The following CA12 variants were observed in gnomAD, a reference collection of about 807,000 sequenced individuals.
CA12 encodes the protein carbonic anhydrase 12.
CA12 carries 36 observed loss-of-function variants against 46.8 expected under a neutral mutation model. That is an observed-to-expected ratio of 0.77 (90% CI 0.59 to 1.02). The LOEUF is 1.02. Among genes scored for constraint, CA12 ranks in the 50% least tolerant of loss-of-function variants. The pLI is 0.00. For synonymous variants in CA12, 202 were observed against 187.0 expected (o/e 1.08, Z -0.65); for missense variants, 436 against 451.4 (o/e 0.97, Z 0.31).
chr15:63,334,913 T>C (rs1277075046), intron 8 of CA12, among the ~76,000 whole-genome samples: 1 of 152,228 alleles, frequency 6.6e-6, no homozygotes, highest in Non-Finnish European at 1.5e-5. Flanking sequence ...ACTTCAGCCT[T>C]ACTGTTTCAG....
intron 2 of CA12, among the ~76,000 whole-genome samples, chr15:63,349,297 A>G (rs11071741): frequency 0.97 from 147,949 of 152,312 alleles, 71,864 homozygotes; most frequent in Admixed American, 0.99. Context: ...ATGAGTCAGA[A>G]AGGTTGCTCA....
Position 63,336,343 on chromosome 15 carries a change from A to G in CA12, c.874+2476T>C, listed in dbSNP as rs557023974. ...CTAAGAAGATGGCTAATTATCCCCA[A>G]TGCCATAGTCCATCGTTACAAGCGG... is the stretch of plus-strand genomic sequence containing the variant. On this transcript the variant is annotated intron_variant, in intron 8 of 10. Transcript: ENST00000178638. 5.3e-5 allele frequency among the ~76,000 whole-genome samples: 8 copies of G among 152,216 alleles called. No homozygotes were observed. The East Asian group carries it at 1.4e-3, about 26-fold the overall frequency.
rs910365343 is a variant in CA12, at chr15:63,325,046, C to T, written c.*1239G>A. 3.9e-5 allele frequency: 6 copies of T among 152,070 alleles called. No homozygotes were observed. Among genetic ancestry groups the T allele is most frequent in the East Asian group, 1.9e-4 (1 of 5,200 alleles). The allele number at this position is 152,070 out of a possible 1,614,324, so 9.4% of individuals were successfully genotyped here. A position where few individuals can be genotyped will look rare whatever the true frequency, so the allele number is the denominator to read the frequency against. ...CCTGTCAGAAACTGTCTGTGTGATT[C>T]GGGGAAGAATATGGAGTATCTTAGT... On this transcript the variant is annotated 3_prime_UTR_variant, in exon 11 of 11. Transcript: ENST00000178638. This position sits in a 1 kb window ranked among gnomAD's most constrained non-coding sequence, Gnocchi z 4.9.
At position 63,345,763 on chromosome 15, in the gene CA12, C is replaced by A; in HGVS notation, c.287-144G>T. 9.2e-7 allele frequency: 1 copy of A among 1,088,130 alleles called. No individual in the cohort carries two copies. The highest frequency in any genetic ancestry group is 1.3e-6 in the Non-Finnish European group (1 of 742,210). 67.4% of individuals were successfully genotyped at this position (1,088,130 alleles called of 1,614,324 possible). On this transcript the variant is annotated intron_variant, in intron 3 of 10. Coordinates refer to ENST00000178638, the MANE Select transcript of CA12 (RefSeq NM_001218.5). The surrounding 1 kb of genome is among the most constrained non-coding windows in gnomAD (Gnocchi z 4.3). ...CAGGTGGATGGAGTGAGGTGCGGAG[C>A]AGAGATGCAGCCTAAAGGTCAGACA...
At chr15:63,363,071 G>A (rs2039385980) in intron 2 of CA12, among the ~76,000 whole-genome samples, 1 of 152,222 alleles carries the variant, frequency 6.6e-6, no homozygotes, top group Non-Finnish European at 1.5e-5. Flanking sequence ...TAAGAGCCAT[G>A]TCTAGACAAG....
Position 63,326,104 on chromosome 15 carries a change from G to A in CA12, c.*181C>T, listed in dbSNP as rs928792278. 18 of 625,278 alleles carry A rather than the reference G, an allele frequency of 2.9e-5. No individual in the cohort carries two copies. The East Asian group carries it at 5.1e-4, about 18-fold the overall frequency. 38.7% of individuals were successfully genotyped at this position (625,278 alleles called of 1,614,324 possible). ...AGTGCATCCCATCCATCGATCGGATGGCTCTGGGGTGGCCATGGTCCCAAG... is the reference window on the plus strand; with the variant it reads ...AGTGCATCCCATCCATCGATCGGATAGCTCTGGGGTGGCCATGGTCCCAAG... On this transcript the variant is annotated 3_prime_UTR_variant, in exon 11 of 11. Transcript: ENST00000178638.
rs778650635 is a variant in CA12 at position 63,381,597 on chromosome 15, G to C, written c.85+39C>G. 5.1e-6 allele frequency: 8 copies of C among 1,555,454 alleles called. No individual in the cohort carries two copies. In the Admixed American group the frequency reaches 8.7e-5, roughly 17 times the overall value. ...GCCTTCAGCCCAGGGGCGGCTGAGCGCTCAGGAGTGTTAGGAAAGAAGCAG... is the reference window on the plus strand; with the variant it reads ...GCCTTCAGCCCAGGGGCGGCTGAGCCCTCAGGAGTGTTAGGAAAGAAGCAG... On this transcript the variant is annotated intron_variant, in intron 1 of 10. Transcript: ENST00000178638.
intron 2 of CA12, among the ~76,000 whole-genome samples, chr15:63,354,026 C>G (rs370635926): frequency 6.6e-6 from 1 of 152,210 alleles, no homozygotes; most frequent in South Asian, 2.1e-4. Flanking sequence ...AAGGCCACAA[C>G]CTGCTGAATT....
rs1251388473 is a variant in CA12, at chr15:63,329,387, T to C, written c.875-1257A>G. Among the ~76,000 whole-genome samples the C allele has an allele frequency of 6.6e-6, 1 of 152,154 alleles. No individual in the cohort carries two copies. Among genetic ancestry groups the C allele is most frequent in the Non-Finnish European group, 1.5e-5 (1 of 68,024 alleles). ...GCCACCTCCTGGGGGGAAAATCACATGAGAATCCATTGTCTTGAGTGAGCA... is the reference window on the plus strand; with the variant it reads ...GCCACCTCCTGGGGGGAAAATCACACGAGAATCCATTGTCTTGAGTGAGCA... On this transcript the variant is annotated intron_variant, in intron 8 of 10. Coordinates refer to ENST00000178638, the MANE Select transcript of CA12 (RefSeq NM_001218.5). The surrounding 1 kb of genome is among the most constrained non-coding windows in gnomAD (Gnocchi z 4.8).
rs577107423 is a variant in CA12, at chr15:63,345,224, C to T, written c.429+253G>A. ...TGGGCCACCCTGGGAATACTGCCTCCCCAGCAGCATCACTCAGTAAAAGAC... is the reference window on the plus strand; with the variant it reads ...TGGGCCACCCTGGGAATACTGCCTCTCCAGCAGCATCACTCAGTAAAAGAC... On this transcript the variant is annotated intron_variant, in intron 4 of 10. Transcript: ENST00000178638. The surrounding 1 kb of genome is among the most constrained non-coding windows in gnomAD (Gnocchi z 4.3). Among the ~76,000 whole-genome samples, 53 of 152,330 alleles carry T rather than the reference C, an allele frequency of 3.5e-4. No individual in the cohort carries two copies. The highest frequency in any genetic ancestry group is 8.2e-4 in the African/African-American group (34 of 41,580).
chr15:63,327,961 G>A lies in CA12; in HGVS notation c.907+137C>T. The A allele has an allele frequency of 1.3e-6, 1 of 788,202 alleles. No homozygotes were observed. The highest frequency in any genetic ancestry group is 1.7e-5 in the African/African-American group (1 of 59,412). The allele number at this position is 788,202 out of a possible 1,614,324, so 48.8% of individuals were successfully genotyped here. On this transcript the variant is annotated intron_variant, in intron 9 of 10. Coordinates refer to ENST00000178638, the MANE Select transcript of CA12 (RefSeq NM_001218.5). The surrounding 1 kb of genome is among the most constrained non-coding windows in gnomAD (Gnocchi z 4.5). ...TCTTTGAATCACAGAGCGACTTGAG[G>A]GTAAGACCCATAGCAAGGAGAGGGC... is the stretch of plus-strand genomic sequence containing the variant.
At position 63,374,150 on chromosome 15, in the gene CA12, C is replaced by T. The variant is rs1364315356; in HGVS notation, c.106+1508G>A. Among the ~76,000 whole-genome samples, 1 of 152,170 alleles carries T rather than the reference C, an allele frequency of 6.6e-6. No individual in the cohort carries two copies. Among genetic ancestry groups the T allele is most frequent in the Non-Finnish European group, 1.5e-5 (1 of 68,034 alleles). On this transcript the variant is annotated intron_variant, in intron 2 of 10. Transcript: ENST00000178638. This position sits in a 1 kb window ranked among gnomAD's most constrained non-coding sequence, Gnocchi z 4.4. ...AGCAGGACAAAGTGGGAAAGGCCTG[C>T]CCTGACCCTCCACACCTCCCCTGTT... is the stretch of plus-strand genomic sequence containing the variant.
chr15:63,354,968 T>C (rs2039276692), intron 2 of CA12, among the ~76,000 whole-genome samples: 1 of 152,146 alleles, frequency 6.6e-6, no homozygotes, highest in Non-Finnish European at 1.5e-5. Context: ...CTGCATCAGG[T>C]TCCTTCTGGA....
rs562834830 is a variant in CA12 at position 63,325,862 on chromosome 15, C to T, written c.*423G>A. ...AGAAGTTGAGTTTCCCAAGCAAAACCTAAGCAGAGAGTGCACATTCTTGTC... is the reference window on the plus strand; with the variant it reads ...AGAAGTTGAGTTTCCCAAGCAAAACTTAAGCAGAGAGTGCACATTCTTGTC... On this transcript the variant is annotated 3_prime_UTR_variant, in exon 11 of 11. Transcript: ENST00000178638. The surrounding 1 kb of genome is among the most constrained non-coding windows in gnomAD (Gnocchi z 4.9). 1 of 230,586 alleles carries T rather than the reference C, an allele frequency of 4.3e-6. No homozygotes were observed. The highest frequency in any genetic ancestry group is 6.7e-5 in the South Asian group (1 of 15,022). The allele number at this position is 230,586 out of a possible 1,614,324, so 14.3% of individuals were successfully genotyped here.
intron 4 of CA12, among the ~76,000 whole-genome samples, chr15:63,343,243 G>A (rs1221829086): frequency 1.3e-5 from 2 of 149,466 alleles, no homozygotes; most frequent in African/African-American, 2.5e-5. Flanking sequence ...CAAGCATAAA[G>A]GAGCTCCCTG....
In CA12 at chr15:63,328,108, T is replaced by TA. The variant is rs2038891030; in HGVS notation, c.896_897insT (p.Leu300ThrfsTer37). ...TGCCCAGCCACATACCCAGACTCAG[T>TA]CCTGCCGCAGTACAGACTTGCACTT... On this transcript the variant is annotated frameshift_variant, in exon 9 of 11. Transcript: ENST00000178638. LOFTEE classifies it high-confidence loss of function. The surrounding 1 kb of genome is among the most constrained non-coding windows in gnomAD (Gnocchi z 5.9). 6.8e-6 allele frequency: 11 copies of TA among 1,613,948 alleles called. No homozygotes were observed. The East Asian group carries it at 2.5e-4, about 36-fold the overall frequency.
At chr15:63,343,965 G>T (rs532467593) in intron 4 of CA12, among the ~76,000 whole-genome samples, 1 of 152,126 alleles carries the variant, frequency 6.6e-6, no homozygotes, top group Non-Finnish European at 1.5e-5. Flanking sequence ...ACTGTGGGCC[G>T]CAAGGTCTTT....
intron 2 of CA12, among the ~76,000 whole-genome samples, chr15:63,347,665 C>T (rs1007254915): frequency 5.3e-5 from 8 of 152,162 alleles, no homozygotes; most frequent in African/African-American, 1.4e-4. Flanking sequence ...GGGAAAAAGT[C>T]TTTAAAGAAT....
chr15:63,345,560 T>C lies in CA12; in HGVS notation c.346A>G (p.Thr116Ala), dbSNP rs773587519. ...TTCCCCCAGTGCAGGTGCAGCTGCG[T>C]GGCACTGTAGCGAGACTGGAGGCCC... ...IQGLQSRYSA[T>A]QLHLHWGNPN... is the part of the protein sequence containing the mutation. Residue 116 changes from threonine to alanine, a missense_variant, in exon 4 of 11, where the codon ACG becomes GCG. By Grantham distance (58) the Thr-to-Ala change is moderately conservative. Coordinates refer to ENST00000178638, the MANE Select transcript of CA12 (RefSeq NM_001218.5). This position sits in a 1 kb window ranked among gnomAD's most constrained non-coding sequence, Gnocchi z 4.3. 1.2e-6 allele frequency: 2 copies of C among 1,613,510 alleles called. No individual in the cohort carries two copies. Among genetic ancestry groups the C allele is most frequent in the South Asian group, 2.2e-5 (2 of 91,076 alleles).
Sources: gnomAD v4.1 joint callset for allele counts (sites outside exome capture counted in the v4.1 genomes callset) on GRCh38, gnomAD v4.1.1 for gene constraint, Gnocchi (gnomAD v3.1) non-coding constraint, MANE v1.5 for transcripts, NCBI Gene and HGNC (gene_info 2026-07-23, HGNC 2026-07-21) for gene names.